Variants in TJP2 observed in about 807,000 individuals in gnomAD.
TJP2 encodes Friedreich ataxia region gene X104 (tight junction protein ZO-2).
In TJP2, 91 loss-of-function variants were observed where a neutral mutation model predicts 133.1. The observed-to-expected ratio is 0.68, with a 90% CI of 0.58 to 0.81. TJP2 has a LOEUF of 0.81. TJP2 is among the 40% of genes least tolerant of loss of function. The pLI, the probability that TJP2 is intolerant of heterozygous loss-of-function variation, is 0.00. For missense variants in TJP2, 1,541 were observed against 1,565.6 expected (o/e 0.98, Z 0.26); for synonymous variants, 592 against 583.4 (o/e 1.01, Z -0.21).
chr9:69,141,035 G>A (rs540891373), intron 1 of TJP2, among the ~76,000 whole-genome samples: 1 of 152,220 alleles, frequency 6.6e-6, no homozygotes, highest in South Asian at 2.1e-4. Flanking sequence ...TTTTAGTAGA[G>A]ATGGGGTTTC....
chr9:69,187,266 T>A (rs1295245398), intron 1 of TJP2, among the ~76,000 whole-genome samples: 1 of 152,214 alleles, frequency 6.6e-6, no homozygotes, highest in Non-Finnish European at 1.5e-5. Context: ...CTGAATTGTC[T>A]TTGAGTGTGA....
At chr9:69,178,598 T>C (rs1316862787) in intron 1 of TJP2, among the ~76,000 whole-genome samples, 1 of 152,142 alleles carries the variant, frequency 6.6e-6, no homozygotes, top group East Asian at 1.9e-4. Flanking sequence ...GCCAGGAAAG[T>C]TGAATTTGAT....
intron 2 of TJP2, among the ~76,000 whole-genome samples, chr9:69,213,750 C>A (rs1828125041): frequency 6.6e-6 from 1 of 152,202 alleles, no homozygotes. Flanking sequence ...TTTCCCTGAG[C>A]ATTTCATGCA....
At position 69,251,031 on chromosome 9, in the gene TJP2, G is replaced by C; in HGVS notation, c.2992-4G>C. 1 of 1,613,860 alleles carries C rather than the reference G, an allele frequency of 6.2e-7. No individual in the cohort carries two copies. The highest frequency in any genetic ancestry group is 1.3e-5 in the African/African-American group (1 of 75,020). On this transcript the variant is annotated splice_region_variant and splice_polypyrimidine_tract_variant and intron_variant, in intron 20 of 22. Coordinates refer to ENST00000377245, the MANE Select transcript of TJP2 (RefSeq NM_004817.4). ...GGGTGAAAACGTGTCATTGCTCTCC[G>C]CAGGCCAAAACCCAGAACAAAGAAG...
At position 69,147,974 on chromosome 9, in the gene TJP2, G is replaced by C. The variant is rs1457142757; in HGVS notation, c.-130-3677G>C. 2.0e-5 allele frequency among the ~76,000 whole-genome samples: 3 copies of C among 151,656 alleles called. No individual in the cohort carries two copies. In the East Asian group the frequency reaches 5.8e-4, roughly 29 times the overall value. ...TATTTAGCTCTTGCTGCCCAGGCTGGAGTGCAATGGCACAATCTTGGCTCA... is the reference window on the plus strand; with the variant it reads ...TATTTAGCTCTTGCTGCCCAGGCTGCAGTGCAATGGCACAATCTTGGCTCA... On this transcript the variant is annotated intron_variant, in intron 1 of 5. Transcript: ENST00000423935.
chr9:69,127,666 G>T (rs114189603), intron 1 of TJP2, among the ~76,000 whole-genome samples: 2,670 of 75,544 alleles, frequency 0.035, 986 homozygotes, highest in African/African-American at 0.1. Flanking sequence ...CCTGACCAGG[G>T]TACCAGGAAT....
intron 1 of TJP2, among the ~76,000 whole-genome samples, chr9:69,198,331 G>T (rs762045811): frequency 6.6e-6 from 1 of 152,046 alleles, no homozygotes; most frequent in Non-Finnish European, 1.5e-5. Context: ...CAGTAGAGAT[G>T]GGGTTTCACC....
At chr9:69,139,925 C>T (rs2133285205) in intron 1 of TJP2, among the ~76,000 whole-genome samples, 1 of 152,338 alleles carries the variant, frequency 6.6e-6, no homozygotes, top group South Asian at 2.1e-4. Flanking sequence ...ACTGTGGTCA[C>T]TGGGCAGGCT....
rs77672248 is a variant in TJP2 at position 69,188,347 on chromosome 9, G to A, written c.60+13915G>A. Among the ~76,000 whole-genome samples the A allele has an allele frequency of 5.9e-4, 89 of 152,106 alleles. 2 individuals carry two copies. The East Asian group carries it at 0.017, about 29-fold the overall frequency. Reference sequence around the variant, plus strand: ...TAACCCTATTTTATAGGTGGGAAACGGAGGCTCAGAAACATTAAGTAAATT... The same window carrying A: ...TAACCCTATTTTATAGGTGGGAAACAGAGGCTCAGAAACATTAAGTAAATT... On this transcript the variant is annotated intron_variant, in intron 1 of 22. Coordinates refer to ENST00000377245, the MANE Select transcript of TJP2 (RefSeq NM_004817.4).
At chr9:69,169,679 TGTTA>T (rs1824572072), upstream of TJP2, among the ~76,000 whole-genome samples, 1 of 152,078 alleles carries the variant, frequency 6.6e-6, no homozygotes, top group Admixed American at 6.6e-5. Context: ...AACTTTTCAG[TGTTA>T]GTTTTCTTTG....
Position 69,226,021 on chromosome 9 carries a change from G to C in TJP2, c.1057-1G>C, listed in dbSNP as rs774754888. The C allele has an allele frequency of 1.2e-6, 2 of 1,614,058 alleles. No homozygotes were observed. The highest frequency in any genetic ancestry group is 3.3e-5 in the Admixed American group (2 of 60,024). ...AACATTACCATTTTTTATAAACACA[G>C]ATCAATGGGACTGTAACTGAGAACA... On this transcript the variant is annotated splice_acceptor_variant, in intron 6 of 22. Coordinates refer to ENST00000377245, the MANE Select transcript of TJP2 (RefSeq NM_004817.4). LOFTEE classifies it high-confidence loss of function.
At chr9:69,174,828 G>C (rs1267537664) in intron 1 of TJP2, among the ~76,000 whole-genome samples, 1 of 152,002 alleles carries the variant, frequency 6.6e-6, no homozygotes, top group Non-Finnish European at 1.5e-5. Context: ...GCTTGTGTAC[G>C]TGAGAGAAAC....
intron 1 of TJP2, among the ~76,000 whole-genome samples, chr9:69,204,366 C>T (rs1827233301): frequency 6.6e-6 from 1 of 152,210 alleles, no homozygotes; most frequent in Non-Finnish European, 1.5e-5. Flanking sequence ...AGAGGCTCCC[C>T]AAGACCAGAC....
chr9:69,175,560 G>C (rs572957415), intron 1 of TJP2, among the ~76,000 whole-genome samples: 4 of 152,348 alleles, frequency 2.6e-5, no homozygotes, highest in African/African-American at 9.6e-5. Context: ...TCCTGCTTGA[G>C]AGGATGAAAT....
intron 1 of TJP2, among the ~76,000 whole-genome samples, chr9:69,175,221 G>A (rs1211518493): frequency 6.6e-6 from 1 of 152,140 alleles, no homozygotes; most frequent in Admixed American, 6.5e-5. Flanking sequence ...TGCTTTTCTG[G>A]CAGCTGTCTG....
rs759518544 is a variant in TJP2, at chr9:69,248,346, C to A, written c.2880+122C>A. The A allele has an allele frequency of 6.9e-6, 10 of 1,453,436 alleles. No individual in the cohort carries two copies. In the African/African-American group the frequency reaches 1.3e-4, roughly 19 times the overall value. 90.0% of individuals were successfully genotyped at this position (1,453,436 alleles called of 1,614,324 possible). On this transcript the variant is annotated intron_variant, in intron 19 of 22. Coordinates refer to ENST00000377245, the MANE Select transcript of TJP2 (RefSeq NM_004817.4). ...TCCTAAGGGTTGGAGCAGATGACTTCCAGGGAGTCTCTCGCTTTGAGTCCA... is the reference window on the plus strand; with the variant it reads ...TCCTAAGGGTTGGAGCAGATGACTTACAGGGAGTCTCTCGCTTTGAGTCCA...
chr9:69,195,724 A>C (rs2133088743), intron 1 of TJP2, among the ~76,000 whole-genome samples: 1 of 152,238 alleles, frequency 6.6e-6, no homozygotes, highest in East Asian at 1.9e-4. Context: ...GGCATTAGGG[A>C]GCTTGTGCAT....
chr9:69,243,345 C>G (rs959474365), intron 17 of TJP2, among the ~76,000 whole-genome samples: 3 of 152,152 alleles, frequency 2.0e-5, no homozygotes, highest in Non-Finnish European at 2.9e-5. Context: ...GCTCCTCTTC[C>G]TCACGAGTAT....
At position 69,221,159 on chromosome 9, in the gene TJP2, G is replaced by GGACCAA; in HGVS notation, c.621_626dup (p.Gln207_Asp208dup). 6.3e-7 allele frequency: 1 copy of GGACCAA among 1,596,764 alleles called. No homozygotes were observed. ...GTGGCCGGAGCCTGGAGCGGGGCCT[G>GGACCAA]GACCAAGACCATGCGCGCACCCGAG... On this transcript the variant is annotated inframe_insertion, in exon 5 of 23. Coordinates refer to ENST00000377245, the MANE Select transcript of TJP2 (RefSeq NM_004817.4).
Sources: gnomAD v4.1 joint callset for allele counts (sites outside exome capture counted in the v4.1 genomes callset) on GRCh38, gnomAD v4.1.1 for gene constraint, MANE v1.5 for transcripts, NCBI Gene and HGNC (gene_info 2026-07-23, HGNC 2026-07-21) for gene names.